TMEM132D: variants seen among roughly 807,000 people sequenced by gnomAD.
TMEM132D encodes the protein mature OL transmembrane protein.
In TMEM132D, 21 loss-of-function variants were observed where a neutral mutation model predicts 62.3. The ratio of observed to expected loss-of-function variants is 0.34; its 90% CI spans 0.24 to 0.49. The LOEUF (loss-of-function observed/expected upper bound fraction) is 0.49. Ranked by LOEUF, TMEM132D falls within the 20% of genes least tolerant of loss-of-function variation. The probability of loss-of-function intolerance (pLI) is 0.99; values close to 1 mark genes in which losing one functional copy is unlikely to be tolerated. For missense variants in TMEM132D, 1,346 were observed against 1,402.8 expected (o/e 0.96, Z 0.65); for synonymous variants, 621 against 575.6 (o/e 1.08, Z -1.13).
chr12:129,877,653 A>AGAGAGC (rs1318738326), intron 1 of TMEM132D, among the ~76,000 whole-genome samples: 4,873 of 150,112 alleles, frequency 0.032, 126 homozygotes, highest in South Asian at 0.087. Context: ...AGAGAGAGAG[A>AGAGAGC]GCGCTATAAG....
At chr12:129,570,799 T>G (rs1454091304) in intron 2 of TMEM132D, among the ~76,000 whole-genome samples, 1 of 152,228 alleles carries the variant, frequency 6.6e-6, no homozygotes, top group Non-Finnish European at 1.5e-5. Flanking sequence ...GCTGTAGCAT[T>G]CATATTATGA....
intron 1 of TMEM132D, among the ~76,000 whole-genome samples, chr12:129,895,726 T>G (rs1040309431): frequency 3.0e-4 from 45 of 152,216 alleles, no homozygotes; most frequent in African/African-American, 9.4e-4. Flanking sequence ...TAGAATATTT[T>G]TAATTTGTCA....
rs183631253 is a variant in TMEM132D at position 129,220,608 on chromosome 12, A to C, written c.1300-10945T>G. Among the ~76,000 whole-genome samples the C allele has an allele frequency of 2.0e-5, 3 of 152,286 alleles. No homozygotes were observed. In the East Asian group the frequency reaches 5.8e-4, roughly 29 times the overall value. On this transcript the variant is annotated intron_variant, in intron 4 of 8. Transcript: ENST00000422113. ...GTGTTCTCCTGATGTTATAGTACAG[A>C]AACTCATGTTCTGCTAAGTCTATTC... is the stretch of plus-strand genomic sequence containing the variant.
intron 5 of TMEM132D, among the ~76,000 whole-genome samples, chr12:129,188,200 C>G (rs1289441272): frequency 6.6e-6 from 1 of 152,172 alleles, no homozygotes; most frequent in Non-Finnish European, 1.5e-5. Context: ...TGAGACAAGG[C>G]CCCACAAGCC....
intron 2 of TMEM132D, among the ~76,000 whole-genome samples, chr12:129,664,098 TAG>T (rs1034802450): frequency 6.6e-6 from 1 of 152,114 alleles, no homozygotes; most frequent in African/African-American, 2.4e-5. Flanking sequence ...TTTAAAAAAA[TAG>T]AGAGAAGTTT....
chr12:129,225,142 GA>G (rs1442806089), intron 4 of TMEM132D, among the ~76,000 whole-genome samples: 1 of 152,154 alleles, frequency 6.6e-6, no homozygotes, highest in African/African-American at 2.4e-5. Flanking sequence ...TCTCATCTGC[GA>G]AATCGGGACT....
intron 1 of TMEM132D, among the ~76,000 whole-genome samples, chr12:129,792,439 A>T (rs12318788): frequency 0.012 from 1,812 of 152,284 alleles, 36 homozygotes; most frequent in African/African-American, 0.041. Context: ...AGAGTAACTC[A>T]ATCAATGTTA....
chr12:129,617,754 C>G (rs763117130), intron 2 of TMEM132D, among the ~76,000 whole-genome samples: 7 of 152,126 alleles, frequency 4.6e-5, no homozygotes, highest in Non-Finnish European at 2.9e-5. Context: ...AAGGGGGCAG[C>G]ATCTCTCTGA....
chr12:129,616,506 C>T (rs548533103), intron 2 of TMEM132D, among the ~76,000 whole-genome samples: 28 of 152,294 alleles, frequency 1.8e-4, no homozygotes, highest in African/African-American at 6.3e-4. Flanking sequence ...TTACAGTTCT[C>T]ATAATCCCCA....
intron 5 of TMEM132D, among the ~76,000 whole-genome samples, chr12:129,143,387 C>T (rs1187176622): frequency 1.3e-5 from 2 of 152,192 alleles, no homozygotes; most frequent in African/African-American, 4.8e-5. Flanking sequence ...TGCCACCCTC[C>T]AGAAATCTCC....
intron 1 of TMEM132D, among the ~76,000 whole-genome samples, chr12:129,889,968 C>A (rs192642105): frequency 6.6e-6 from 1 of 152,140 alleles, no homozygotes; most frequent in Non-Finnish European, 1.5e-5. Context: ...TTCCTAGAAG[C>A]CTCATGAAAA....
At chr12:129,589,519 T>C (rs1878132696) in intron 2 of TMEM132D, among the ~76,000 whole-genome samples, 1 of 152,182 alleles carries the variant, frequency 6.6e-6, no homozygotes, top group Non-Finnish European at 1.5e-5. Context: ...AAATAAGTAT[T>C]CACTTCCAGC....
At chr12:129,191,465 T>A (rs748024484) in intron 5 of TMEM132D, among the ~76,000 whole-genome samples, 3 of 151,690 alleles carry the variant, frequency 2.0e-5, no homozygotes, top group Non-Finnish European at 4.4e-5. Context: ...ACTATATATA[T>A]GAAACTATTA....
chr12:129,143,547 A>G (rs1235525982), intron 5 of TMEM132D, among the ~76,000 whole-genome samples: 1 of 152,186 alleles, frequency 6.6e-6, no homozygotes, highest in African/African-American at 2.4e-5. Flanking sequence ...TGGCTGGTGA[A>G]AAATCGGCAG....
intron 5 of TMEM132D, among the ~76,000 whole-genome samples, chr12:129,122,398 T>A (rs572275874): frequency 6.6e-6 from 1 of 152,228 alleles, no homozygotes; most frequent in Admixed American, 6.5e-5. Flanking sequence ...CAGAGTAACA[T>A]TCAACGCTTA....
chr12:129,480,670 A>G lies in TMEM132D; in HGVS notation c.1115+50389T>C, dbSNP rs192006369. Among the ~76,000 whole-genome samples, 52 of 152,316 alleles carry G rather than the reference A, an allele frequency of 3.4e-4. No homozygotes were observed. In the East Asian group the frequency reaches 8.1e-3, roughly 24 times the overall value. On this transcript the variant is annotated intron_variant, in intron 3 of 8. Transcript: ENST00000422113. ...TCCTTAGGGACGGTTGGAGGATGAC[A>G]GTTTCCAGGGACTCCAGATAAATGT...
chr12:129,652,763 G>T (rs1279158928), intron 2 of TMEM132D, among the ~76,000 whole-genome samples: 1 of 152,182 alleles, frequency 6.6e-6, no homozygotes. Flanking sequence ...AAGACAACAC[G>T]TTTGTGCTGC....
intron 3 of TMEM132D, among the ~76,000 whole-genome samples, chr12:129,460,010 T>A (rs1406133980): frequency 6.6e-6 from 1 of 152,212 alleles, no homozygotes; most frequent in Non-Finnish European, 1.5e-5. Flanking sequence ...GGAGTGTGTA[T>A]AAAGTATACT....
At chr12:129,600,482 T>C (rs919937681) in intron 2 of TMEM132D, among the ~76,000 whole-genome samples, 2 of 152,188 alleles carry the variant, frequency 1.3e-5, no homozygotes, top group African/African-American at 4.8e-5. Flanking sequence ...CTTCATGGCA[T>C]CAAGAATGGT....
Sources: gnomAD v4.1 joint callset for allele counts (sites outside exome capture counted in the v4.1 genomes callset) on GRCh38, gnomAD v4.1.1 for gene constraint, MANE v1.5 for transcripts, NCBI Gene and HGNC (gene_info 2026-07-23, HGNC 2026-07-21) for gene names.